Variants in HERC4 observed in about 807,000 individuals in gnomAD.
HERC4 encodes the protein probable E3 ubiquitin-protein ligase HERC4.
A neutral mutation model predicts 124.3 loss-of-function variants in HERC4; 28 were observed. The observed-to-expected ratio is 0.23, with a 90% CI of 0.17 to 0.31. The LOEUF is 0.31. Ranked by LOEUF, HERC4 falls within the 10% of genes least tolerant of loss-of-function variation. HERC4 has a pLI of 1.00. For synonymous variants in HERC4, 407 were observed against 421.5 expected (o/e 0.97, Z 0.42); for missense variants, 713 against 1,229.3 (o/e 0.58, Z 6.28).
intron 8 of HERC4, among the ~76,000 whole-genome samples, chr10:68,022,107 A>T (rs2038660171): frequency 1.3e-5 from 2 of 152,208 alleles, no homozygotes; most frequent in South Asian, 4.1e-4. Flanking sequence ...AAAACTAAAA[A>T]ATACTGGTGG....
chr10:67,959,870 A>G lies in HERC4; in HGVS notation c.1927-2894T>C, dbSNP rs562139460. On this transcript the variant is annotated intron_variant, in intron 16 of 24. Transcript: ENST00000373700. ...GTTTCCACATATGCTCAGAGCACAGACTCGTGTAAAGCACCAGAATCTTCA... is the reference window on the plus strand; with the variant it reads ...GTTTCCACATATGCTCAGAGCACAGGCTCGTGTAAAGCACCAGAATCTTCA... Among the ~76,000 whole-genome samples, 22 of 152,314 alleles carry G rather than the reference A, an allele frequency of 1.4e-4. No individual in the cohort carries two copies. The South Asian group carries it at 4.6e-3, about 32-fold the overall frequency.
chr10:67,994,206 T>C (rs545673470), intron 9 of HERC4: 1 of 152,328 alleles, frequency 6.6e-6, no homozygotes, highest in East Asian at 1.9e-4. Context: ...AGCCAATTAT[T>C]CAACCTAAAA....
At chr10:67,940,804 G>T in intron 20 of HERC4, 135 bp downstream of exon 20, 1 of 768,082 alleles carries the variant, frequency 1.3e-6, no homozygotes, top group Non-Finnish European at 2.0e-6. Flanking sequence ...TCCTTTATTA[G>T]AAGGGCATTT....
At chr10:68,063,936 T>C (rs1421736998) in intron 3 of HERC4, among the ~76,000 whole-genome samples, 2 of 149,070 alleles carry the variant, frequency 1.3e-5, no homozygotes, top group Non-Finnish European at 3.0e-5. Flanking sequence ...CGAAACTCCG[T>C]CTCAAATAAT....
At chr10:68,059,243 T>A (rs2040708057) in intron 3 of HERC4, among the ~76,000 whole-genome samples, 1 of 151,544 alleles carries the variant, frequency 6.6e-6, no homozygotes, top group African/African-American at 2.4e-5. Flanking sequence ...ATTTGACATT[T>A]TCATTGAGAT....
At chr10:68,062,422 C>T (rs191968113) in intron 3 of HERC4, among the ~76,000 whole-genome samples, 1 of 151,916 alleles carries the variant, frequency 6.6e-6, no homozygotes, top group African/African-American at 2.4e-5. Context: ...TTCTGCCTCT[C>T]TAAGTCTCCA....
intron 9 of HERC4, among the ~76,000 whole-genome samples, chr10:67,996,640 T>C (rs1216493416): frequency 6.6e-6 from 1 of 152,040 alleles, no homozygotes; most frequent in African/African-American, 2.4e-5. Context: ...AGATGAGCAA[T>C]ATTGAGTGCA....
intron 9 of HERC4, chr10:67,995,205 T>G (rs1043955051): frequency 2.2e-6 from 1 of 448,760 alleles, no homozygotes; most frequent in South Asian, 1.6e-5. Flanking sequence ...GGCAGGAGAG[T>G]AGTTCCATCA....
chr10:67,957,534 G>T (rs1178631528), intron 16 of HERC4, among the ~76,000 whole-genome samples: 1 of 152,074 alleles, frequency 6.6e-6, no homozygotes, highest in East Asian at 1.9e-4. Flanking sequence ...ATCATTATTA[G>T]ACATTAGACA....
intron 3 of HERC4, among the ~76,000 whole-genome samples, chr10:68,063,954 A>T (rs974523742): frequency 1.2e-4 from 18 of 151,846 alleles, no homozygotes; most frequent in South Asian, 6.2e-4. Flanking sequence ...AATAATTAAG[A>T]AACAGAGGCT....
intron 3 of HERC4, among the ~76,000 whole-genome samples, chr10:68,063,561 C>T (rs2041142944): frequency 1.3e-5 from 2 of 152,150 alleles, no homozygotes; most frequent in Admixed American, 1.3e-4. Context: ...GTATAAACTT[C>T]ATAAAATGAG....
intron 22 of HERC4, 96 bp downstream of exon 22, chr10:67,936,057 G>A (rs2032330273): frequency 2.9e-6 from 2 of 695,646 alleles, no homozygotes; most frequent in African/African-American, 1.8e-5. Context: ...AGTTTTATTG[G>A]AGTAAAAGCT....
At chr10:67,945,092 A>T (rs1445623108) in intron 19 of HERC4, among the ~76,000 whole-genome samples, 3 of 152,226 alleles carry the variant, frequency 2.0e-5, no homozygotes, top group African/African-American at 7.2e-5. Context: ...TCAATACTCA[A>T]GTACAAGAAG....
chr10:67,957,242 A>T (rs2034197475), intron 16 of HERC4, among the ~76,000 whole-genome samples: 1 of 152,220 alleles, frequency 6.6e-6, no homozygotes, highest in Non-Finnish European at 1.5e-5. Context: ...GCATATGTTA[A>T]TTGCAAATCT....
At chr10:68,021,664 C>A (rs950355032) in intron 8 of HERC4, among the ~76,000 whole-genome samples, 1 of 151,980 alleles carries the variant, frequency 6.6e-6, no homozygotes, top group Non-Finnish European at 1.5e-5. Context: ...CAAAATTAGT[C>A]GGGTGTGGTG....
At chr10:68,064,786 A>C (rs560770953) in intron 3 of HERC4, among the ~76,000 whole-genome samples, 16 of 151,714 alleles carry the variant, frequency 1.1e-4, no homozygotes, top group Non-Finnish European at 1.9e-4. Context: ...CCCTGGCCAA[A>C]ATGGTGAAAC....
chr10:67,943,201 G>C (rs553043170), intron 19 of HERC4, among the ~76,000 whole-genome samples: 1 of 152,256 alleles, frequency 6.6e-6, no homozygotes, highest in Non-Finnish European at 1.5e-5. Flanking sequence ...ATCTTTCTGT[G>C]CTGTTATGTC....
chr10:67,984,642 G>T (rs374497915), intron 15 of HERC4, among the ~76,000 whole-genome samples: 1 of 152,020 alleles, frequency 6.6e-6, no homozygotes, highest in South Asian at 2.1e-4. Flanking sequence ...GAGTGCAATG[G>T]CACGATTTCG....
intron 3 of HERC4, among the ~76,000 whole-genome samples, chr10:68,066,431 A>C (rs1238678206): frequency 1.3e-5 from 2 of 152,220 alleles, no homozygotes; most frequent in African/African-American, 2.4e-5. Context: ...GCTCACTTCT[A>C]ATCATGTAAA....
Sources: allele counts gnomAD v4.1 joint callset (sites outside exome capture counted in the v4.1 genomes callset), GRCh38; gene constraint gnomAD v4.1.1; transcripts MANE v1.5; gene names NCBI Gene and HGNC (gene_info 2026-07-23, HGNC 2026-07-21).